LMTK2: variants seen among roughly 807,000 people sequenced by gnomAD.
The protein encoded by LMTK2 is serine/threonine-protein kinase LMTK2.
In LMTK2, 37 loss-of-function variants were observed where a neutral mutation model predicts 127.5. That is an observed-to-expected ratio of 0.29 (90% CI 0.22 to 0.38). The LOEUF (loss-of-function observed/expected upper bound fraction) is 0.38. LMTK2 is among the 10% of genes least tolerant of loss of function. The pLI, the probability that LMTK2 is intolerant of heterozygous loss-of-function variation, is 1.00. For missense variants in LMTK2, 1,694 were observed against 1,920.3 expected, an observed-to-expected ratio of 0.88 and a Z score of 2.20; for synonymous variants, 819 against 810.1, an observed-to-expected ratio of 1.01 and a Z score of -0.19.
At chr7:98,119,587 G>A (rs1436737746) in intron 1 of LMTK2, among the ~76,000 whole-genome samples, 5 of 152,166 alleles carry the variant, frequency 3.3e-5, no homozygotes, top group Admixed American at 2.6e-4. Flanking sequence ...CGAATATCAT[G>A]TATAAATATC....
chr7:98,187,194 A>G (rs1797448765), intron 9 of LMTK2, among the ~76,000 whole-genome samples, 196 bp downstream of exon 9: 1 of 152,258 alleles, frequency 6.6e-6, no homozygotes, highest in Admixed American at 6.5e-5. Flanking sequence ...CGTTTTGAAT[A>G]CTGCCCCTGC....
chr7:98,107,125 G>C lies in LMTK2; in HGVS notation c.-53G>C, dbSNP rs1446050198. ...AGGATCGACTGACGGGCGAACGGAC[G>C]GACGGACGGAAGGCGACTCGAGGGC... On this transcript the variant is annotated 5_prime_UTR_variant, in exon 1 of 14. Transcript: ENST00000297293. 2.0e-5 allele frequency: 26 copies of C among 1,322,604 alleles called. No homozygotes were observed. Among genetic ancestry groups the C allele is most frequent in the African/African-American group, 7.8e-5 (5 of 64,474 alleles). 81.9% of individuals were successfully genotyped at this position (1,322,604 alleles called of 1,614,324 possible).
At chr7:98,176,822 G>T (rs2116434670) in intron 7 of LMTK2, among the ~76,000 whole-genome samples, 1 of 152,324 alleles carries the variant, frequency 6.6e-6, no homozygotes, top group Non-Finnish European at 1.5e-5. Flanking sequence ...ACTCCAGCCT[G>T]CATGACAGAG....
At position 98,193,350 on chromosome 7, in the gene LMTK2, C is replaced by G. The variant is rs1797566163; in HGVS notation, c.2885C>G (p.Ala962Gly). The G allele has an allele frequency of 6.2e-7, 1 of 1,614,070 alleles. No homozygotes were observed. Among genetic ancestry groups the G allele is most frequent in the African/African-American group, 1.3e-5 (1 of 74,924 alleles). ...QLNSKDAAKE[A>G]GLVSALSSDS... ...AATTCTAAAGACGCAGCAAAAGAAG[C>G]AGGCTTGGTGTCTGCCCTCTCCTCG... is the stretch of plus-strand genomic sequence containing the variant. Residue 962 changes from alanine to glycine, a missense_variant, in exon 11 of 14, where the codon GCA becomes GGA. Ala to Gly is a moderately conservative substitution (Grantham distance 60). Coordinates refer to ENST00000297293, the MANE Select transcript of LMTK2 (RefSeq NM_014916.4). This position sits in a 1 kb window ranked among gnomAD's most constrained non-coding sequence, Gnocchi z 4.1.
At chr7:98,137,219 A>G in intron 1 of LMTK2, 96 bp from the exon 2 acceptor site, 1 of 1,141,698 alleles carries the variant, frequency 8.8e-7, no homozygotes, top group South Asian at 1.5e-5. Context: ...ATTAACCCTT[A>G]CACCCATTTG....
chr7:98,152,394 T>G (rs1426532039), intron 4 of LMTK2, among the ~76,000 whole-genome samples: 1 of 152,198 alleles, frequency 6.6e-6, no homozygotes, highest in Non-Finnish European at 1.5e-5. Context: ...TGCTGCTGCT[T>G]CTCCTTCCCT....
intron 5 of LMTK2, among the ~76,000 whole-genome samples, chr7:98,159,030 C>T (rs1796973790): frequency 1.3e-5 from 2 of 151,994 alleles, no homozygotes; most frequent in African/African-American, 4.8e-5. Context: ...TGCACTCCAG[C>T]CAGGGTGACA....
Position 98,192,942 on chromosome 7 carries a change from C to T in LMTK2, c.2477C>T (p.Pro826Leu), listed in dbSNP as rs765961231. The T allele has an allele frequency of 3.7e-6, 6 of 1,613,992 alleles. No individual in the cohort carries two copies. The African/African-American group carries it at 8.0e-5, about 22-fold the overall frequency. ...PPTSFETEET[P>L]RRVPPDSLPT... ...ACCTCCTTCGAAACAGAAGAAACGC[C>T]CCGTCGGGTACCCCCAGACTCACTC... is the stretch of plus-strand genomic sequence containing the variant. The change falls in exon 11 of 14, where the codon CCC (proline) becomes CTC (leucine). Residue 826 changes from proline to leucine, a missense_variant. Pro to Leu is a moderately conservative substitution (Grantham distance 98, BLOSUM62 -3). Transcript: ENST00000297293.
chr7:98,176,435 C>G (rs1797278140), intron 7 of LMTK2, among the ~76,000 whole-genome samples: 1 of 152,070 alleles, frequency 6.6e-6, no homozygotes, highest in South Asian at 2.1e-4. Flanking sequence ...GCAGAGATGC[C>G]CACTATTTCT....
At position 98,206,214 on chromosome 7, in the gene LMTK2, T is replaced by C. The variant is rs1402480041; in HGVS notation, c.*722T>C. The C allele has an allele frequency of 2.0e-5, 3 of 152,264 alleles. No homozygotes were observed. The highest frequency in any genetic ancestry group is 4.4e-5 in the Non-Finnish European group (3 of 68,050). The allele number at this position is 152,264 out of a possible 1,614,324, so 9.4% of individuals were successfully genotyped here. A position where few individuals can be genotyped will look rare whatever the true frequency, so the allele number is the denominator to read the frequency against. ...ATAAATGATTCTGAATGTTAGTGTT[T>C]TATGTTCATATAGGAAATATTTTCA... On this transcript the variant is annotated 3_prime_UTR_variant, in exon 14 of 14. Coordinates refer to ENST00000297293, the MANE Select transcript of LMTK2 (RefSeq NM_014916.4).
chr7:98,160,064 G>A (rs752817598), intron 6 of LMTK2, among the ~76,000 whole-genome samples: 3 of 152,034 alleles, frequency 2.0e-5, no homozygotes, highest in Non-Finnish European at 4.4e-5. Context: ...ATCTTTTCCC[G>A]CATGCAGAAT....
At chr7:98,108,391 A>G (rs979299592) in intron 1 of LMTK2, among the ~76,000 whole-genome samples, 1 of 152,210 alleles carries the variant, frequency 6.6e-6, no homozygotes, top group African/African-American at 2.4e-5. Flanking sequence ...TGTCTCCAGT[A>G]AAGACATATT....
intron 6 of LMTK2, among the ~76,000 whole-genome samples, chr7:98,162,156 A>C (rs1266937036): frequency 6.6e-6 from 1 of 152,110 alleles, no homozygotes; most frequent in Non-Finnish European, 1.5e-5. Flanking sequence ...GCTTTGTTTT[A>C]ATGCTATTTT....
At chr7:98,114,572 T>C (rs1796249841) in intron 1 of LMTK2, among the ~76,000 whole-genome samples, 1 of 152,150 alleles carries the variant, frequency 6.6e-6, no homozygotes. Flanking sequence ...AGGCTTGAGT[T>C]ACCATCAGGT....
At position 98,159,140 on chromosome 7, in the gene LMTK2, C is replaced by T. The variant is rs577446432; in HGVS notation, c.570-198C>T. Among the ~76,000 whole-genome samples the T allele has an allele frequency of 3.9e-5, 6 of 152,226 alleles. No homozygotes were observed. In the South Asian group the frequency reaches 1.2e-3, roughly 32 times the overall value. ...TATTCACTTGATTGGCTTTGAATTACTTGCTAGATAACTTAGTATACACCT... is the reference window on the plus strand; with the variant it reads ...TATTCACTTGATTGGCTTTGAATTATTTGCTAGATAACTTAGTATACACCT... On this transcript the variant is annotated intron_variant, in intron 5 of 13. Transcript: ENST00000297293.
intron 6 of LMTK2, among the ~76,000 whole-genome samples, chr7:98,161,651 G>A (rs952207098): frequency 2.4e-4 from 36 of 152,130 alleles, no homozygotes; most frequent in African/African-American, 8.5e-4. Flanking sequence ...TATGATCAGA[G>A]TTATAAAATT....
intron 6 of LMTK2, among the ~76,000 whole-genome samples, chr7:98,160,878 A>C (rs1797005789): frequency 6.6e-6 from 1 of 152,166 alleles, no homozygotes; most frequent in South Asian, 2.1e-4. Context: ...AATAAAGATA[A>C]AGTCTGGTTT....
At position 98,151,359 on chromosome 7, in the gene LMTK2, T is replaced by G. The variant is rs779004179; in HGVS notation, c.377-23T>G. The stretch of plus-strand genomic sequence containing the variant: ...TAATATTTAGATACTTATATTTCAT[T>G]TTTAATGTTTTTTTCTCTACAGAGG... On this transcript the variant is annotated intron_variant, in intron 3 of 13. Transcript: ENST00000297293. The G allele has an allele frequency of 5.3e-5, 81 of 1,532,628 alleles. No individual in the cohort carries two copies. In the South Asian group the frequency reaches 9.0e-4, roughly 17 times the overall value. The allele number at this position is 1,532,628 out of a possible 1,614,324, so 94.9% of individuals were successfully genotyped here.
intron 1 of LMTK2, among the ~76,000 whole-genome samples, chr7:98,122,677 G>GGT (rs1192444903): frequency 2.1e-4 from 23 of 108,324 alleles, no homozygotes; most frequent in African/African-American, 6.3e-4. Context: ...AACTCTACAT[G>GGT]GTGTGTGTGT....
Sources: allele counts gnomAD v4.1 joint callset (sites outside exome capture counted in the v4.1 genomes callset), GRCh38; gene constraint gnomAD v4.1.1; non-coding constraint Gnocchi (gnomAD v3.1); transcripts MANE v1.5; gene names NCBI Gene and HGNC (gene_info 2026-07-23, HGNC 2026-07-21).